Variants in ATP2B2 observed in about 807,000 individuals in gnomAD.
ATP2B2 encodes the protein ATPase plasma membrane Ca2+ transporting 2.
In ATP2B2, 15 loss-of-function variants were observed where a neutral mutation model predicts 120.0. That is an observed-to-expected ratio of 0.12 (90% CI 0.08 to 0.19). The LOEUF (loss-of-function observed/expected upper bound fraction) is 0.19, where lower values mean the gene tolerates loss of function less well. Ranked by LOEUF, ATP2B2 falls within the 10% of genes least tolerant of loss-of-function variation. The pLI, the probability that ATP2B2 is intolerant of heterozygous loss-of-function variation, is 1.00. For missense variants in ATP2B2, 1,045 were observed against 1,719.8 expected (o/e 0.61, Z 6.94); for synonymous variants, 694 against 700.3 (o/e 0.99, Z 0.14).
chr3:10,515,433 A>G (rs2125445130), intron 3 of ATP2B2, among the ~76,000 whole-genome samples: 1 of 152,330 alleles, frequency 6.6e-6, no homozygotes, highest in Admixed American at 6.5e-5. Context: ...CAGCATTAAG[A>G]GGGTCATTTC....
intron 2 of ATP2B2, among the ~76,000 whole-genome samples, chr3:10,592,128 T>C (rs745372446): frequency 2.6e-5 from 4 of 152,192 alleles, no homozygotes; most frequent in Admixed American, 6.5e-5. Flanking sequence ...TGGTAAGGAC[T>C]TGATCCTTCT....
intron 2 of ATP2B2, among the ~76,000 whole-genome samples, chr3:10,420,667 C>T (rs138454007): frequency 9.7e-4 from 147 of 152,330 alleles, no homozygotes; most frequent in African/African-American, 3.5e-3. Context: ...CGGCCTGGGC[C>T]TTGGTTTTTT....
chr3:10,589,890 T>C (rs1466359664), intron 2 of ATP2B2, among the ~76,000 whole-genome samples: 2 of 152,190 alleles, frequency 1.3e-5, no homozygotes, highest in African/African-American at 4.8e-5. Flanking sequence ...TCTTATAAGG[T>C]GTGACATAAA....
chr3:10,391,045 C>A (rs2061833936), intron 5 of ATP2B2, among the ~76,000 whole-genome samples: 1 of 152,146 alleles, frequency 6.6e-6, no homozygotes, highest in South Asian at 2.1e-4. Flanking sequence ...ACTGGAGACT[C>A]TTCAAAGGAG....
At chr3:10,382,197 A>ATTTTTTTT (rs58615119) in intron 8 of ATP2B2, among the ~76,000 whole-genome samples, 1,439 of 122,228 alleles carry the variant, frequency 0.012, 54 homozygotes, top group African/African-American at 0.024. Flanking sequence ...AGCTAATTAA[A>ATTTTTTTT]TTTTTTTTTT....
At chr3:10,451,239 G>T (rs1368076669) in intron 1 of ATP2B2, among the ~76,000 whole-genome samples, 1 of 152,188 alleles carries the variant, frequency 6.6e-6, no homozygotes, top group African/African-American at 2.4e-5. Context: ...CTTCCCCTAG[G>T]GGGTGCTCCC....
Position 10,401,136 on chromosome 3 carries a change from C to T in ATP2B2, c.656-58G>A, listed in dbSNP as rs1448586633. The T allele has an allele frequency of 1.4e-5, 23 of 1,604,432 alleles. No homozygotes were observed. The Admixed American group carries it at 1.7e-4, about 12-fold the overall frequency. On this transcript the variant is annotated intron_variant, in intron 4 of 22. Transcript: ENST00000360273. Reference sequence around the variant, plus strand: ...CTCTCAGGTGACTAGAGGGCTGGAACATTCCCTTAAAGGTGCGATTACCAG... The same window carrying T: ...CTCTCAGGTGACTAGAGGGCTGGAATATTCCCTTAAAGGTGCGATTACCAG...
intron 1 of ATP2B2, among the ~76,000 whole-genome samples, chr3:10,624,602 G>C (rs1282088696): frequency 6.6e-6 from 1 of 152,194 alleles, no homozygotes; most frequent in Non-Finnish European, 1.5e-5. Context: ...GCACGGCTTT[G>C]TCATGTGCCA....
chr3:10,694,136 C>G (rs2071708324), intron 1 of ATP2B2, among the ~76,000 whole-genome samples: 1 of 152,198 alleles, frequency 6.6e-6, no homozygotes, highest in Non-Finnish European at 1.5e-5. Context: ...ATCCACAGAG[C>G]TTCTTCAGAT....
intron 3 of ATP2B2, among the ~76,000 whole-genome samples, chr3:10,517,981 C>T (rs2066909338): frequency 7.0e-6 from 1 of 143,576 alleles, no homozygotes; most frequent in Admixed American, 6.9e-5. Context: ...GGGAGGAGCA[C>T]ATTTCACCTT....
chr3:10,405,776 C>T (rs1366384757), intron 3 of ATP2B2, among the ~76,000 whole-genome samples: 1 of 152,160 alleles, frequency 6.6e-6, no homozygotes, highest in Non-Finnish European at 1.5e-5. Flanking sequence ...ACCTGCCTCC[C>T]AGATGGCTAC....
At chr3:10,664,111 C>T (rs911507903) in intron 1 of ATP2B2, among the ~76,000 whole-genome samples, 7 of 152,020 alleles carry the variant, frequency 4.6e-5, no homozygotes, top group Non-Finnish European at 1.0e-4. Flanking sequence ...CTCAGGGAGG[C>T]TGAGCAGAGT....
chr3:10,462,191 T>C (rs1448823083), intron 1 of ATP2B2, among the ~76,000 whole-genome samples: 1 of 152,204 alleles, frequency 6.6e-6, no homozygotes, highest in Non-Finnish European at 1.5e-5. Flanking sequence ...TTCTTGTGGT[T>C]GCCAAATGTC....
chr3:10,483,152 C>T (rs918894462), intron 1 of ATP2B2, among the ~76,000 whole-genome samples: 2 of 152,170 alleles, frequency 1.3e-5, no homozygotes, highest in Non-Finnish European at 2.9e-5. Flanking sequence ...ATGTCGGGGC[C>T]GACAAAACTG....
intron 2 of ATP2B2, among the ~76,000 whole-genome samples, chr3:10,587,056 T>C (rs1204329559): frequency 6.6e-6 from 1 of 152,144 alleles, no homozygotes; most frequent in African/African-American, 2.4e-5. Context: ...TACTTTGGGA[T>C]GCCAAGGCAG....
At chr3:10,428,962 G>A (rs896372572) in intron 2 of ATP2B2, among the ~76,000 whole-genome samples, 7 of 152,198 alleles carry the variant, frequency 4.6e-5, no homozygotes, top group East Asian at 3.9e-4. Context: ...AAAATGAAAC[G>A]AGATGATGCA....
At chr3:10,645,667 G>A (rs1451968618) in intron 1 of ATP2B2, among the ~76,000 whole-genome samples, 2 of 152,202 alleles carry the variant, frequency 1.3e-5, no homozygotes, top group Non-Finnish European at 2.9e-5. Flanking sequence ...CCTGAGGGAT[G>A]AGGTCTGTGA....
intron 12 of ATP2B2, among the ~76,000 whole-genome samples, chr3:10,362,337 C>T (rs116819295): frequency 0.027 from 4,090 of 152,294 alleles, 142 homozygotes; most frequent in African/African-American, 0.085. Flanking sequence ...GGATGTATCC[C>T]TGGCCTATTC....
intron 14 of ATP2B2, among the ~76,000 whole-genome samples, chr3:10,356,233 C>G (rs2060728231): frequency 6.6e-6 from 1 of 150,520 alleles, no homozygotes; most frequent in South Asian, 2.1e-4. Flanking sequence ...AAAACCTGTT[C>G]TAATCTGGGT....
Sources: gnomAD v4.1 joint callset for allele counts (sites outside exome capture counted in the v4.1 genomes callset) on GRCh38, gnomAD v4.1.1 for gene constraint, MANE v1.5 for transcripts, NCBI Gene and HGNC (gene_info 2026-07-23, HGNC 2026-07-21) for gene names.